TSPEAR: variants seen among roughly 807,000 people sequenced by gnomAD.
The protein encoded by TSPEAR is thrombospondin-type laminin G domain and EAR repeat-containing protein.
A neutral mutation model predicts 71.6 loss-of-function variants in TSPEAR; 69 were observed. That is an observed-to-expected ratio of 0.96 (90% CI 0.79 to 1.18). The LOEUF is 1.18. Among genes scored for constraint, TSPEAR ranks in the 50% most tolerant of loss-of-function variants. The probability of loss-of-function intolerance (pLI) is 0.00; values close to 1 mark genes in which losing one functional copy is unlikely to be tolerated. For missense variants in TSPEAR, 971 were observed against 894.9 expected (o/e 1.09, Z -1.09); for synonymous variants, 402 against 387.2 (o/e 1.04, Z -0.45).
chr21:44,666,938 C>T (rs782613010), intron 1 of TSPEAR: 37 of 1,576,164 alleles, frequency 2.3e-5, no homozygotes, highest in East Asian at 2.0e-4. Flanking sequence ...TGTCTGGGGA[C>T]GGCCTCCCTG....
At chr21:44,683,576 G>A (rs1215393101) in intron 1 of TSPEAR, among the ~76,000 whole-genome samples, 1 of 152,168 alleles carries the variant, frequency 6.6e-6, no homozygotes, top group Admixed American at 6.5e-5. Context: ...GGTTGAGGCA[G>A]GAGGGTCTAT....
intron 1 of TSPEAR, chr21:44,580,740 T>C: frequency 1.3e-6 from 1 of 747,890 alleles, no homozygotes. Context: ...CACAAGCTTC[T>C]CTTCCTTGTT....
chr21:44,586,598 A>T (rs1979354324), intron 1 of TSPEAR, among the ~76,000 whole-genome samples: 4 of 152,130 alleles, frequency 2.6e-5, no homozygotes, highest in Admixed American at 2.6e-4. Context: ...CTCCAAAAAA[A>T]TCACACCAAT....
At chr21:44,627,908 C>T (rs1569228024) in intron 1 of TSPEAR, 1 of 1,520,594 alleles carries the variant, frequency 6.6e-7, no homozygotes. Flanking sequence ...TGCTGCGTGC[C>T]CGTCTCCTCC....
At chr21:44,638,488 A>G in intron 1 of TSPEAR, 2 of 362,178 alleles carry the variant, frequency 5.5e-6, no homozygotes, top group Non-Finnish European at 1.1e-5. Context: ...CCGGGGGGGC[A>G]CAGGGTGAGG....
At chr21:44,619,078 G>A (rs1455760765) in intron 1 of TSPEAR, among the ~76,000 whole-genome samples, 2 of 151,780 alleles carry the variant, frequency 1.3e-5, no homozygotes, top group Non-Finnish European at 2.9e-5. Context: ...AGCAGGAAGT[G>A]AAGGTGCAAG....
At chr21:44,661,281 C>CAAA (rs10572767) in intron 1 of TSPEAR, among the ~76,000 whole-genome samples, 150 of 79,628 alleles carry the variant, frequency 1.9e-3, no homozygotes, top group Non-Finnish European at 2.1e-3. Context: ...GACTCCGTCT[C>CAAA]AAAAAAAAAA....
intron 2 of TSPEAR, among the ~76,000 whole-genome samples, chr21:44,564,055 C>CA (rs56232906): frequency 1.3e-5 from 2 of 151,956 alleles, no homozygotes; most frequent in African/African-American, 2.4e-5. Context: ...AAGTAGATTA[C>CA]AAAAAAAAAT....
In TSPEAR at chr21:44,499,707, G is replaced by A. The variant is rs1601308228; in HGVS notation, c.*76C>T. 74 of 1,440,756 alleles carry A rather than the reference G, an allele frequency of 5.1e-5. 1 individual carries two copies. In the South Asian group the frequency reaches 8.1e-4, roughly 16 times the overall value. 89.2% of individuals were successfully genotyped at this position (1,440,756 alleles called of 1,614,324 possible). On this transcript the variant is annotated 3_prime_UTR_variant, in exon 12 of 12. Transcript: ENST00000323084. ...TGCCCTAGGCTGGGCCCACCTGGAC[G>A]TCCAGGGTCAGTTGGGGGAGGTGCT...
intron 1 of TSPEAR, chr21:44,677,531 T>C: frequency 1.2e-6 from 1 of 831,060 alleles, no homozygotes. Flanking sequence ...TTTCTTCACA[T>C]GGTCGTTCCC....
At chr21:44,539,810 C>G (rs1445646456) in intron 2 of TSPEAR, 3 of 1,613,028 alleles carry the variant, frequency 1.9e-6, no homozygotes, top group Admixed American at 1.7e-5. Flanking sequence ...ATCCTTAGAG[C>G]AGGTGGGCAG....
At chr21:44,644,004 T>C (rs147400402) in intron 1 of TSPEAR, among the ~76,000 whole-genome samples, 2 of 152,328 alleles carry the variant, frequency 1.3e-5, no homozygotes, top group East Asian at 3.9e-4. Context: ...CAAATGTGTG[T>C]CACTTGCAGA....
At chr21:44,681,847 G>T in intron 1 of TSPEAR, 2 of 1,611,458 alleles carry the variant, frequency 1.2e-6, no homozygotes, top group Non-Finnish European at 1.7e-6. Context: ...CAGCAGGAAG[G>T]GGTGCTGCAG....
At chr21:44,660,544 A>G (rs782231686) in intron 1 of TSPEAR, among the ~76,000 whole-genome samples, 2 of 152,264 alleles carry the variant, frequency 1.3e-5, no homozygotes, top group Non-Finnish European at 2.9e-5. Flanking sequence ...GAAAGAAAAC[A>G]CTTTTTCAGA....
At chr21:44,639,276 G>A (rs587763760) in intron 1 of TSPEAR, among the ~76,000 whole-genome samples, 1 of 152,226 alleles carries the variant, frequency 6.6e-6, no homozygotes, top group Admixed American at 6.5e-5. Context: ...CCACGTCGGG[G>A]AAGTGGCACA....
Position 44,529,672 on chromosome 21 carries a change from G to A in TSPEAR, c.790+126C>T, listed in dbSNP as rs923835289. The A allele has an allele frequency of 8.2e-5, 88 of 1,077,708 alleles. 1 individual carries two copies. Among genetic ancestry groups the A allele is most frequent in the African/African-American group, 3.9e-4 (25 of 63,744 alleles). The allele number at this position is 1,077,708 out of a possible 1,614,324, so 66.8% of individuals were successfully genotyped here. On this transcript the variant is annotated intron_variant, in intron 5 of 11. Coordinates refer to ENST00000323084, the MANE Select transcript of TSPEAR (RefSeq NM_144991.3). ...CTGGCCAATATGACCGCTGCCCCCC[G>A]TAGCAGTGATGAGGGGGGCAGGCAC...
intron 1 of TSPEAR, chr21:44,657,858 G>GA (rs1274936944): frequency 1.1e-6 from 1 of 912,520 alleles, no homozygotes; most frequent in Non-Finnish European, 1.7e-6. Context: ...CAACCACAAG[G>GA]AAGACAACAG....
rs983526609 is a variant in TSPEAR at position 44,642,565 on chromosome 21, C to T, written c.82+68868G>A. ...TTCCTCAAAAAATTAAAAATGGGGC[C>T]GGGCGCAGTGGCTCATGCCTGTAAT... On this transcript the variant is annotated intron_variant, in intron 1 of 11. Coordinates refer to ENST00000323084, the MANE Select transcript of TSPEAR (RefSeq NM_144991.3). The surrounding 1 kb of genome is among the most constrained non-coding windows in gnomAD (Gnocchi z 4.1). 6.6e-6 allele frequency among the ~76,000 whole-genome samples: 1 copy of T among 152,136 alleles called. No homozygotes were observed. Among genetic ancestry groups the T allele is most frequent in the African/African-American group, 2.4e-5 (1 of 41,414 alleles).
At chr21:44,569,211 G>C (rs1188342299) in intron 1 of TSPEAR, among the ~76,000 whole-genome samples, 1 of 152,206 alleles carries the variant, frequency 6.6e-6, no homozygotes, top group African/African-American at 2.4e-5. Flanking sequence ...CTGCAGAAGA[G>C]CCTACCCTGG....
Sources: allele counts gnomAD v4.1 joint callset (sites outside exome capture counted in the v4.1 genomes callset), GRCh38; gene constraint gnomAD v4.1.1; non-coding constraint Gnocchi (gnomAD v3.1); transcripts MANE v1.5; gene names NCBI Gene and HGNC (gene_info 2026-07-23, HGNC 2026-07-21).